The following PPP2R2B variants were observed in gnomAD, a reference collection of about 807,000 sequenced individuals.
PPP2R2B encodes protein phosphatase 2 regulatory subunit Bbeta.
Under a neutral mutation model 46.0 loss-of-function variants are expected in PPP2R2B, and 5 were observed. The ratio of observed to expected loss-of-function variants is 0.11; its 90% CI spans 0.06 to 0.23. PPP2R2B has a LOEUF of 0.23. Ranked by LOEUF, PPP2R2B falls within the 10% of genes least tolerant of loss-of-function variation. The pLI is 1.00. For synonymous variants in PPP2R2B, 215 were observed against 206.7 expected (o/e 1.04, Z -0.34); for missense variants, 367 against 575.0 (o/e 0.64, Z 3.70).
At chr5:146,930,011 T>G (rs921545652) in intron 1 of PPP2R2B, among the ~76,000 whole-genome samples, 7 of 152,138 alleles carry the variant, frequency 4.6e-5, no homozygotes, top group Non-Finnish European at 1.0e-4. Context: ...TAGAAATCGG[T>G]CCCTGGTCTC....
chr5:146,743,368 T>G (rs1024125368), intron 2 of PPP2R2B, among the ~76,000 whole-genome samples: 2 of 152,210 alleles, frequency 1.3e-5, no homozygotes, highest in Non-Finnish European at 2.9e-5. Context: ...ACCAGAAATT[T>G]ATAAAACTAT....
Position 146,618,692 on chromosome 5 carries a change from GC to G in PPP2R2B, c.791-18233del, listed in dbSNP as rs375135713. Among the ~76,000 whole-genome samples, 739 of 152,292 alleles carry G rather than the reference GC, an allele frequency of 4.9e-3. 5 individuals carry two copies. Among genetic ancestry groups the G allele is most frequent in the African/African-American group, 0.017 (699 of 41,544 alleles). Reference sequence around the variant, plus strand: ...CAGAGCGGGCTGCTTCTGGGCAGAGGCCATGAGAGGCTCACTGTCCAAGGGA... The same window carrying G: ...CAGAGCGGGCTGCTTCTGGGCAGAGGCATGAGAGGCTCACTGTCCAAGGGA... On this transcript the variant is annotated intron_variant, in intron 7 of 9. Coordinates refer to ENST00000394411, the MANE Select transcript of PPP2R2B (RefSeq NM_181675.4).
chr5:147,065,309 AAAAG>A (rs1179687602), intron 2 of PPP2R2B, among the ~76,000 whole-genome samples: 1 of 152,174 alleles, frequency 6.6e-6, no homozygotes, highest in African/African-American at 2.4e-5. Flanking sequence ...GGTTGCCAGA[AAAAG>A]AGAGAGTGAA....
At chr5:146,609,725 G>T (rs1772673437) in intron 7 of PPP2R2B, among the ~76,000 whole-genome samples, 1 of 146,292 alleles carries the variant, frequency 6.8e-6, no homozygotes, top group Non-Finnish European at 1.5e-5. Context: ...TCAAAGAAAG[G>T]GGTGACGGAC....
At chr5:146,830,906 G>A (rs1758886252) in intron 2 of PPP2R2B, among the ~76,000 whole-genome samples, 1 of 152,208 alleles carries the variant, frequency 6.6e-6, no homozygotes. Context: ...ACCAATGTGT[G>A]ATGGTGGTCC....
intron 8 of PPP2R2B, among the ~76,000 whole-genome samples, chr5:146,593,539 A>T (rs955829927): frequency 4.6e-5 from 7 of 152,348 alleles, no homozygotes; most frequent in South Asian, 4.1e-4. Context: ...TCATAGAACA[A>T]AAGTGTATGG....
chr5:147,025,479 A>G (rs1317273301), intron 1 of PPP2R2B, among the ~76,000 whole-genome samples: 1 of 151,966 alleles, frequency 6.6e-6, no homozygotes, highest in Non-Finnish European at 1.5e-5. Flanking sequence ...AAAAACCCCG[A>G]AATAGGAGAA....
At chr5:146,937,421 C>A (rs1395017813) in intron 1 of PPP2R2B, among the ~76,000 whole-genome samples, 2 of 152,118 alleles carry the variant, frequency 1.3e-5, no homozygotes, top group Non-Finnish European at 2.9e-5. Flanking sequence ...GCTACCTCCA[C>A]ACTCCTCACA....
Position 146,586,858 on chromosome 5 carries a change from C to G in PPP2R2B, c.*3089G>C, listed in dbSNP as rs1414971096. 2 of 152,114 alleles carry G rather than the reference C, an allele frequency of 1.3e-5. No homozygotes were observed. The highest frequency in any genetic ancestry group is 2.9e-5 in the Non-Finnish European group (2 of 68,032). The allele number at this position is 152,114 out of a possible 1,614,324, so 9.4% of individuals were successfully genotyped here. On this transcript the variant is annotated 3_prime_UTR_variant, in exon 10 of 10. Coordinates refer to ENST00000394411, the MANE Select transcript of PPP2R2B (RefSeq NM_181675.4). ...TATCTTCCTTTTTTGTTTTTTCTAA[C>G]TAATCTTCCTCCTCCTGACAGAAGA...
At chr5:147,069,383 A>C (rs1757507636) in intron 2 of PPP2R2B, among the ~76,000 whole-genome samples, 1 of 152,206 alleles carries the variant, frequency 6.6e-6, no homozygotes. Context: ...CCTAGGATTT[A>C]GGTCCTAAAA....
intron 2 of PPP2R2B, among the ~76,000 whole-genome samples, chr5:146,768,448 T>C (rs774457245): frequency 6.6e-6 from 1 of 152,068 alleles, no homozygotes; most frequent in Non-Finnish European, 1.5e-5. Context: ...TTCCCTCCTC[T>C]TCTCACTATC....
intron 2 of PPP2R2B, among the ~76,000 whole-genome samples, chr5:146,836,045 A>C (rs1040931618): frequency 5.9e-5 from 9 of 152,190 alleles, no homozygotes; most frequent in African/African-American, 2.2e-4. Flanking sequence ...TATATATGTA[A>C]TAATTCATAT....
intron 2 of PPP2R2B, among the ~76,000 whole-genome samples, chr5:146,811,137 G>A (rs1315583954): frequency 6.6e-6 from 1 of 152,034 alleles, no homozygotes; most frequent in Non-Finnish European, 1.5e-5. Context: ...CCGAGTAGCT[G>A]GGATTACAGG....
At chr5:147,066,509 C>T (rs1357069185) in intron 2 of PPP2R2B, among the ~76,000 whole-genome samples, 2 of 152,140 alleles carry the variant, frequency 1.3e-5, no homozygotes, top group Non-Finnish European at 2.9e-5. Flanking sequence ...AACCTGTGCT[C>T]TTCACTATGG....
intron 2 of PPP2R2B, among the ~76,000 whole-genome samples, chr5:146,819,928 A>T (rs1758155460): frequency 6.6e-6 from 1 of 152,230 alleles, no homozygotes; most frequent in Non-Finnish European, 1.5e-5. Context: ...AGCAACATGG[A>T]TGAGCCCAGA....
intron 2 of PPP2R2B, among the ~76,000 whole-genome samples, chr5:147,079,460 A>ATG (rs2151914330): frequency 6.9e-6 from 1 of 144,900 alleles, no homozygotes; most frequent in East Asian, 2.0e-4. Flanking sequence ...ATATATATAT[A>ATG]TATATATATA....
chr5:146,908,417 A>T lies in PPP2R2B; in HGVS notation c.79+147248T>A, dbSNP rs376840412. On this transcript the variant is annotated intron_variant, in intron 1 of 8. Transcript: ENST00000336640. ...TTCTTGGTGTTTACTTAAAAATTAA[A>T]TTTTTTTTTCTTTCAATATGTATAT... Among the ~76,000 whole-genome samples, 34 of 151,612 alleles carry T rather than the reference A, an allele frequency of 2.2e-4. 1 individual carries two copies. Among genetic ancestry groups the T allele is most frequent in the Non-Finnish European group, 3.2e-4 (22 of 67,904 alleles).
At chr5:146,878,985 C>A (rs1480310694), upstream of PPP2R2B, 59 of 1,057,294 alleles carry the variant, frequency 5.6e-5, 1 homozygote, top group Non-Finnish European at 6.4e-5. This position sits in a 1 kb window ranked among gnomAD's most constrained non-coding sequence, Gnocchi z 4.5. Context: ...TCCCCTCTCG[C>A]GCCACTCAGC....
intron 2 of PPP2R2B, among the ~76,000 whole-genome samples, chr5:146,763,481 T>C (rs1321004977): frequency 6.6e-6 from 1 of 152,188 alleles, no homozygotes; most frequent in Non-Finnish European, 1.5e-5. Context: ...CATTAATGCA[T>C]GTGACATACC....
Sources: gnomAD v4.1 joint callset for allele counts (sites outside exome capture counted in the v4.1 genomes callset) on GRCh38, gnomAD v4.1.1 for gene constraint, Gnocchi (gnomAD v3.1) non-coding constraint, MANE v1.5 for transcripts, NCBI Gene and HGNC (gene_info 2026-07-23, HGNC 2026-07-21) for gene names.